EIPR1: variants seen among roughly 807,000 people sequenced by gnomAD.
The protein encoded by EIPR1 is EARP and GARP complex-interacting protein 1.
EIPR1 carries 25 observed loss-of-function variants against 48.1 expected under a neutral mutation model. The observed-to-expected ratio is 0.52, with a 90% CI of 0.38 to 0.73. The LOEUF (loss-of-function observed/expected upper bound fraction) is 0.73. EIPR1 is among the 30% of genes least tolerant of loss of function. The pLI, the probability that EIPR1 is intolerant of heterozygous loss-of-function variation, is 0.00. For missense variants in EIPR1, 415 were observed against 506.2 expected (o/e 0.82, Z 1.73); for synonymous variants, 204 against 201.9 (o/e 1.01, Z -0.09).
intron 4 of EIPR1, among the ~76,000 whole-genome samples, chr2:3,248,073 C>A (rs1305237169): frequency 6.6e-6 from 1 of 151,958 alleles, no homozygotes; most frequent in Non-Finnish European, 1.5e-5. Flanking sequence ...GGGGGCGGAT[C>A]CCTCATGAAT....
At chr2:3,190,025 G>A (rs1325855468) in intron 8 of EIPR1, among the ~76,000 whole-genome samples, 1 of 152,102 alleles carries the variant, frequency 6.6e-6, no homozygotes, top group Non-Finnish European at 1.5e-5. Context: ...GGGCTGGGCT[G>A]AGGATCCCCC....
At chr2:3,282,689 C>G (rs1478315302) in intron 3 of EIPR1, 1 of 152,276 alleles carries the variant, frequency 6.6e-6, no homozygotes, top group Non-Finnish European at 1.5e-5. Context: ...TGTGCGCTCC[C>G]GAGTCTGCAC....
rs192327801 is a variant in EIPR1, at chr2:3,348,190, G to A, written c.126+6360C>T. Among the ~76,000 whole-genome samples the A allele has an allele frequency of 2.1e-4, 32 of 152,278 alleles. No individual in the cohort carries two copies. The East Asian group carries it at 5.4e-3, about 26-fold the overall frequency. On this transcript the variant is annotated intron_variant, in intron 2 of 8. Coordinates refer to ENST00000382125, the MANE Select transcript of EIPR1 (RefSeq NM_003310.5). Reference sequence around the variant, plus strand: ...CGCAGCTTAGCTGAGAAACTAAGACGTTAGCCAGGGGAGGAAACGAGCTGC... The same window carrying A: ...CGCAGCTTAGCTGAGAAACTAAGACATTAGCCAGGGGAGGAAACGAGCTGC...
chr2:3,246,560 G>A (rs1273435038), intron 4 of EIPR1, among the ~76,000 whole-genome samples: 1 of 152,098 alleles, frequency 6.6e-6, no homozygotes, highest in Non-Finnish European at 1.5e-5. Flanking sequence ...TCTACACTGA[G>A]GGGATTGTCT....
chr2:3,347,578 G>A (rs577015853), intron 2 of EIPR1, among the ~76,000 whole-genome samples: 5 of 152,276 alleles, frequency 3.3e-5, no homozygotes, highest in Admixed American at 6.5e-5. Context: ...TTCCCGTCTC[G>A]GGTATGTCTT....
chr2:3,360,609 A>G (rs187832896), intron 1 of EIPR1, among the ~76,000 whole-genome samples: 1 of 152,328 alleles, frequency 6.6e-6, no homozygotes. Flanking sequence ...AGACATATTA[A>G]CTGAGCACAC....
chr2:3,295,388 T>C (rs36093527), intron 3 of EIPR1, among the ~76,000 whole-genome samples: 28,737 of 79,284 alleles, frequency 0.36, 5,228 homozygotes, highest in African/African-American at 0.39. Flanking sequence ...CCATCCAGGC[T>C]ATCCTCTCTA....
intron 1 of EIPR1, among the ~76,000 whole-genome samples, chr2:3,369,988 C>T (rs1017618638): frequency 9.2e-5 from 14 of 152,184 alleles, no homozygotes; most frequent in Admixed American, 7.9e-4. Context: ...AGGCACCCCC[C>T]CCGTAGGGGC....
intron 1 of EIPR1, 147 bp from the exon 2 acceptor site, chr2:3,354,780 T>C (rs1025937396): frequency 3.9e-6 from 3 of 770,124 alleles, no homozygotes; most frequent in Admixed American, 2.8e-5. Context: ...TTTAGAAATA[T>C]GTATTAAATG....
rs191532330 is a variant in EIPR1 at position 3,234,824 on chromosome 2, C to T, written c.417-20576G>A. On this transcript the variant is annotated intron_variant, in intron 4 of 8. Coordinates refer to ENST00000382125, the MANE Select transcript of EIPR1 (RefSeq NM_003310.5). ...ACCTGCTCTCTTGAGTGTCAAAATC[C>T]TGTGCTTTGAAGTAAGTGTTCATCT... Among the ~76,000 whole-genome samples, 5 of 152,324 alleles carry T rather than the reference C, an allele frequency of 3.3e-5. No homozygotes were observed. In the East Asian group the frequency reaches 7.7e-4, roughly 24 times the overall value.
At chr2:3,252,785 C>T (rs896792869) in intron 4 of EIPR1, among the ~76,000 whole-genome samples, 5 of 152,150 alleles carry the variant, frequency 3.3e-5, no homozygotes, top group African/African-American at 1.2e-4. Context: ...TGCAGAGCAC[C>T]AGGGCTGGCG....
At chr2:3,265,254 C>T (rs951346163) in intron 3 of EIPR1, among the ~76,000 whole-genome samples, 2 of 152,260 alleles carry the variant, frequency 1.3e-5, no homozygotes, top group African/African-American at 2.4e-5. Flanking sequence ...AAGCTGCACA[C>T]GTTGCTGAGT....
At chr2:3,202,217 G>A (rs960401182) in intron 5 of EIPR1, among the ~76,000 whole-genome samples, 8 of 152,240 alleles carry the variant, frequency 5.3e-5, no homozygotes, top group East Asian at 1.9e-4. Flanking sequence ...GATTACAGGC[G>A]TGAGCCACCG....
At chr2:3,328,207 G>T (rs1669758065) in intron 3 of EIPR1, among the ~76,000 whole-genome samples, 1 of 152,188 alleles carries the variant, frequency 6.6e-6, no homozygotes, top group African/African-American at 2.4e-5. Context: ...ACCTCAGACG[G>T]GAAGCACATG....
At chr2:3,273,783 C>T (rs184980902) in intron 3 of EIPR1, among the ~76,000 whole-genome samples, 9 of 152,324 alleles carry the variant, frequency 5.9e-5, no homozygotes, top group African/African-American at 1.9e-4. Flanking sequence ...GAGGCCCCAC[C>T]GACTTAGGGC....
chr2:3,189,530 C>T lies in EIPR1; in HGVS notation c.990-22G>A, dbSNP rs559618013. The stretch of plus-strand genomic sequence containing the variant: ...GCTCCTGCAATGCAACAGAGGCAGA[C>T]GTGAGCGCAGCAGCTCCGGCGGGGC... On this transcript the variant is annotated intron_variant, in intron 8 of 8. Transcript: ENST00000382125. This position sits in a 1 kb window ranked among gnomAD's most constrained non-coding sequence, Gnocchi z 4.6. 8.5e-6 allele frequency: 13 copies of T among 1,531,402 alleles called. No homozygotes were observed. Among genetic ancestry groups the T allele is most frequent in the South Asian group, 3.6e-5 (3 of 82,948 alleles). 94.9% of individuals were successfully genotyped at this position (1,531,402 alleles called of 1,614,324 possible). A position where few individuals can be genotyped will look rare whatever the true frequency, so the allele number is the denominator to read the frequency against.
intron 4 of EIPR1, among the ~76,000 whole-genome samples, chr2:3,221,917 T>C (rs1464881807): frequency 6.6e-6 from 1 of 152,132 alleles, no homozygotes; most frequent in East Asian, 1.9e-4. Context: ...TTTTGAAGCA[T>C]CCATTTCACG....
chr2:3,324,005 G>A (rs772392794), intron 3 of EIPR1, among the ~76,000 whole-genome samples: 1 of 152,174 alleles, frequency 6.6e-6, no homozygotes, highest in Non-Finnish European at 1.5e-5. Flanking sequence ...AATTCACAGC[G>A]CCAGTGTGAA....
intron 4 of EIPR1, among the ~76,000 whole-genome samples, chr2:3,231,392 G>A (rs781498798): frequency 3.3e-5 from 5 of 152,164 alleles, no homozygotes; most frequent in Non-Finnish European, 7.4e-5. Flanking sequence ...GATAAAAGTG[G>A]CAAGAGTGGG....
Sources: allele counts gnomAD v4.1 joint callset (sites outside exome capture counted in the v4.1 genomes callset), GRCh38; gene constraint gnomAD v4.1.1; non-coding constraint Gnocchi (gnomAD v3.1); transcripts MANE v1.5; gene names NCBI Gene and HGNC (gene_info 2026-07-23, HGNC 2026-07-21).